C8orf76: variants seen among roughly 807,000 people sequenced by gnomAD.
C8orf76 encodes the protein chromosome 8 open reading frame 76, also known as uncharacterized protein C8orf76.
A neutral mutation model predicts 38.1 loss-of-function variants in C8orf76; 46 were observed. That is an observed-to-expected ratio of 1.21 (90% CI 0.95 to 1.54). The LOEUF is 1.54. C8orf76 is among the 40% of genes most tolerant of loss of function. The pLI, the probability that C8orf76 is intolerant of heterozygous loss-of-function variation, is 0.00. For missense variants in C8orf76, 461 were observed against 441.6 expected (o/e 1.04, Z -0.39); for synonymous variants, 166 against 167.5 (o/e 0.99, Z 0.07).
chr8:123,241,366 C>T lies in C8orf76; in HGVS notation c.-20G>A. Reference sequence around the variant, plus strand: ...ATCCATCTCGCGCCCGCGGCGGGGGCAACGAGGAAGCGGGGCCCGCCGGAA... The same window carrying T: ...ATCCATCTCGCGCCCGCGGCGGGGGTAACGAGGAAGCGGGGCCCGCCGGAA... On this transcript the variant is annotated 5_prime_UTR_variant, in exon 1 of 6. Coordinates refer to ENST00000276704, the MANE Select transcript of C8orf76 (RefSeq NM_032847.3). 1.9e-6 allele frequency: 3 copies of T among 1,541,890 alleles called. No individual in the cohort carries two copies. Among genetic ancestry groups the T allele is most frequent in the Non-Finnish European group, 1.7e-6 (2 of 1,153,936 alleles).
intron 4 of C8orf76, among the ~76,000 whole-genome samples, chr8:123,228,159 G>A (rs1169039195): frequency 6.6e-6 from 1 of 152,040 alleles, no homozygotes; most frequent in African/African-American, 2.4e-5. Flanking sequence ...ACACTCCGCT[G>A]GTCACCAAGT....
intron 5 of C8orf76, 52 bp from the exon 6 acceptor site, chr8:123,220,349 G>A: frequency 7.3e-7 from 1 of 1,370,730 alleles, no homozygotes; most frequent in Non-Finnish European, 9.8e-7. Flanking sequence ...GCAGAGACAT[G>A]GAATGCTAGT....
chr8:123,225,701 T>C (rs1825021128), intron 5 of C8orf76, among the ~76,000 whole-genome samples: 1 of 151,934 alleles, frequency 6.6e-6, no homozygotes, highest in Admixed American at 6.6e-5. Context: ...CCGAGGTGGG[T>C]AGATTGCTTG....
At chr8:123,222,467 T>C (rs1361391359) in intron 5 of C8orf76, among the ~76,000 whole-genome samples, 1 of 152,164 alleles carries the variant, frequency 6.6e-6, no homozygotes, top group Non-Finnish European at 1.5e-5. Flanking sequence ...GAGGGACAGA[T>C]AGGCACAATA....
chr8:123,226,380 G>A (rs1474406669), intron 5 of C8orf76, 120 bp downstream of exon 5: 3 of 1,512,160 alleles, frequency 2.0e-6, no homozygotes, highest in East Asian at 4.9e-5. Context: ...AAGGCACACA[G>A]AGGAGGGAGA....
intron 3 of C8orf76, among the ~76,000 whole-genome samples, chr8:123,235,671 T>G (rs2131157663): frequency 6.6e-6 from 1 of 152,280 alleles, no homozygotes; most frequent in East Asian, 1.9e-4. Flanking sequence ...GTGTTTCTCC[T>G]GCCTAGTAAC....
intron 3 of C8orf76, 54 bp downstream of exon 3, chr8:123,237,744 C>A: frequency 6.5e-7 from 1 of 1,537,752 alleles, no homozygotes; most frequent in Non-Finnish European, 8.8e-7. Context: ...AAAAATACAC[C>A]ATTCGACCAC....
In C8orf76 at chr8:123,233,922, G is replaced by A. The variant is rs566483053; in HGVS notation, c.358-2165C>T. ...GGGCACCTGTAGTCCTAGCTACTCA[G>A]GAGGTTGAGGCAGGAGAATGGCATG... is the stretch of plus-strand genomic sequence containing the variant. On this transcript the variant is annotated intron_variant, in intron 3 of 5. Transcript: ENST00000276704. Among the ~76,000 whole-genome samples, 23 of 151,892 alleles carry A rather than the reference G, an allele frequency of 1.5e-4. No homozygotes were observed. The South Asian group carries it at 4.8e-3, about 32-fold the overall frequency.
intron 5 of C8orf76, 183 bp downstream of exon 5, chr8:123,226,317 G>A (rs868322708): frequency 7.0e-6 from 10 of 1,436,438 alleles, no homozygotes; most frequent in African/African-American, 2.9e-5. Context: ...GGTCCCGCAC[G>A]CTGCAGGGGA....
rs760761574 is a variant in C8orf76 at position 123,231,502 on chromosome 8, AGAAG to A, written c.609_612del (p.Phe205HisfsTer37). 6.2e-7 allele frequency: 1 copy of A among 1,614,230 alleles called. No homozygotes were observed. ...AGACAGTCTTTTCCTGAGTGTGGAA[AGAAG>A]GATTTGATAGTTTTGTCACTTGAGG... On this transcript the variant is annotated frameshift_variant, in exon 4 of 6. Coordinates refer to ENST00000276704, the MANE Select transcript of C8orf76 (RefSeq NM_032847.3). LOFTEE classifies it high-confidence loss of function.
chr8:123,236,188 CTTAG>C (rs1191610562), intron 3 of C8orf76, among the ~76,000 whole-genome samples: 2 of 152,184 alleles, frequency 1.3e-5, no homozygotes, highest in Non-Finnish European at 2.9e-5. Context: ...AGGGATTTCT[CTTAG>C]TTAATGAGAT....
At chr8:123,225,714 G>A (rs1825022030) in intron 5 of C8orf76, among the ~76,000 whole-genome samples, 1 of 152,100 alleles carries the variant, frequency 6.6e-6, no homozygotes, top group East Asian at 1.9e-4. Flanking sequence ...ATTGCTTGAG[G>A]CCAGGAGTTC....
At chr8:123,230,884 GTGA>G (rs1201771261) in intron 4 of C8orf76, among the ~76,000 whole-genome samples, 3 of 152,122 alleles carry the variant, frequency 2.0e-5, no homozygotes, top group African/African-American at 7.2e-5. Flanking sequence ...TTCTGACCTT[GTGA>G]TCCACCCACC....
chr8:123,222,077 C>T (rs1028556030), intron 5 of C8orf76, among the ~76,000 whole-genome samples: 3 of 152,192 alleles, frequency 2.0e-5, no homozygotes, highest in Non-Finnish European at 2.9e-5. Flanking sequence ...CAACCTCTGC[C>T]TCCTGGATCG....
intron 4 of C8orf76, among the ~76,000 whole-genome samples, chr8:123,231,047 C>G (rs1825245142): frequency 6.6e-6 from 1 of 152,234 alleles, no homozygotes; most frequent in South Asian, 2.1e-4. Context: ...ATCCACCTGC[C>G]TCAGCCTCCC....
intron 3 of C8orf76, chr8:123,237,088 C>A: frequency 2.7e-6 from 3 of 1,092,154 alleles, no homozygotes; most frequent in Non-Finnish European, 4.2e-6. Context: ...TCCGCCAGCT[C>A]GCCCAGAAAT....
intron 3 of C8orf76, among the ~76,000 whole-genome samples, chr8:123,234,570 A>G (rs1825391268): frequency 6.6e-6 from 1 of 152,060 alleles, no homozygotes; most frequent in Admixed American, 6.6e-5. Flanking sequence ...GGAGTTCGAG[A>G]CCAGACTGGA....
intron 5 of C8orf76, among the ~76,000 whole-genome samples, chr8:123,223,197 G>A (rs1311312229): frequency 6.6e-6 from 1 of 152,132 alleles, no homozygotes; most frequent in Non-Finnish European, 1.5e-5. Context: ...CATAATGTTA[G>A]GTAAATATCA....
At chr8:123,226,699 G>A (rs533386892) in intron 4 of C8orf76, 67 bp from the exon 5 acceptor site, 46 of 1,515,714 alleles carry the variant, frequency 3.0e-5, no homozygotes, top group African/African-American at 4.2e-5. Context: ...GGAAAGCCGC[G>A]AGGAAATGTT....
Sources: allele counts gnomAD v4.1 joint callset (sites outside exome capture counted in the v4.1 genomes callset), GRCh38; gene constraint gnomAD v4.1.1; transcripts MANE v1.5; gene names NCBI Gene and HGNC (gene_info 2026-07-23, HGNC 2026-07-21).